Variants in SPRY3 observed in about 807,000 individuals in gnomAD.
SPRY3 encodes protein sprouty homolog 3.
A neutral mutation model predicts 20.2 loss-of-function variants in SPRY3; 15 were observed. The ratio of observed to expected loss-of-function variants is 0.74; its 90% CI spans 0.50 to 1.14. SPRY3 has a LOEUF of 1.14. SPRY3 is among the 50% of genes most tolerant of loss of function. The pLI is 0.00. For synonymous variants in SPRY3, 143 were observed against 136.5 expected, an observed-to-expected ratio of 1.05 and a Z score of -0.33; for missense variants, 364 against 363.9, an observed-to-expected ratio of 1.00 and a Z score of 0.00.
intron 2 of SPRY3, among the ~76,000 whole-genome samples, chrX:155,722,463 G>T (rs1366026575): frequency 1.3e-5 from 2 of 152,190 alleles, no homozygotes; most frequent in Non-Finnish European, 2.9e-5. Context: ...GGAGGTTGCA[G>T]TGAGCCAAGA....
At chrX:155,717,222 T>C (rs1314992401) in intron 2 of SPRY3, among the ~76,000 whole-genome samples, 1 of 151,252 alleles carries the variant, frequency 6.6e-6, no homozygotes, top group Non-Finnish European at 1.5e-5. Flanking sequence ...ACCCTGTCTA[T>C]GCTTGTTATC....
chrX:155,762,179 T>C (rs2091306724), intron 2 of SPRY3, among the ~76,000 whole-genome samples: 1 of 152,182 alleles, frequency 6.6e-6, no homozygotes, highest in Non-Finnish European at 1.5e-5. Flanking sequence ...GAGACTTGGA[T>C]TCTACTCCTG....
chrX:155,777,635 T>A (rs868669363), downstream of SPRY3: 1 of 18,808 alleles, frequency 5.3e-5, no homozygotes, highest in Admixed American at 7.7e-4. Flanking sequence ...CCTTCTGTGA[T>A]TATATATATT....
intron 1 of SPRY3, among the ~76,000 whole-genome samples, chrX:155,629,866 T>G (rs1051218925): frequency 1.1e-4 from 12 of 112,475 alleles, no homozygotes; most frequent in Non-Finnish European, 2.1e-4. Flanking sequence ...CTCTCCACTC[T>G]GTTTATTTCC....
intron 2 of SPRY3, among the ~76,000 whole-genome samples, chrX:155,752,922 T>C (rs2091269850): frequency 6.6e-6 from 1 of 151,848 alleles, no homozygotes; most frequent in East Asian, 1.9e-4. Context: ...CCAAAATACA[T>C]GTAAAAGATA....
intron 2 of SPRY3, among the ~76,000 whole-genome samples, chrX:155,674,461 G>A (rs2068053422): frequency 9.0e-6 from 1 of 110,829 alleles, no homozygotes. Flanking sequence ...TCTCAAGGAA[G>A]GAAGTCTATT....
intron 2 of SPRY3, among the ~76,000 whole-genome samples, chrX:155,704,516 A>G (rs2090935380): frequency 6.6e-6 from 1 of 151,764 alleles, no homozygotes; most frequent in Admixed American, 6.6e-5. Context: ...AAAACATTCA[A>G]GAGCTGTGTG....
At chrX:155,738,265 G>GA (rs201029854) in intron 2 of SPRY3, among the ~76,000 whole-genome samples, 31 of 150,090 alleles carry the variant, frequency 2.1e-4, no homozygotes, top group African/African-American at 4.9e-4. Flanking sequence ...TGCAGACTGG[G>GA]AAAAAAAAAT....
At chrX:155,648,539 C>A (rs1202345816) in intron 1 of SPRY3, among the ~76,000 whole-genome samples, 1 of 112,375 alleles carries the variant, frequency 8.9e-6, no homozygotes, top group Non-Finnish European at 1.9e-5. Context: ...TTCCCAACAC[C>A]ATTTATTAAA....
At chrX:155,719,893 C>T (rs1485741304) in intron 2 of SPRY3, among the ~76,000 whole-genome samples, 2 of 152,066 alleles carry the variant, frequency 1.3e-5, no homozygotes, top group Non-Finnish European at 2.9e-5. Flanking sequence ...TGGGGCAACT[C>T]CTTCTGCTTG....
chrX:155,726,755 G>T (rs758901142), intron 2 of SPRY3, among the ~76,000 whole-genome samples: 1 of 152,110 alleles, frequency 6.6e-6, no homozygotes, highest in Non-Finnish European at 1.5e-5. Flanking sequence ...GCACACTGAT[G>T]GGTCTTGACT....
intron 2 of SPRY3, among the ~76,000 whole-genome samples, chrX:155,743,072 A>C (rs1194763757): frequency 6.6e-6 from 1 of 152,132 alleles, no homozygotes; most frequent in Non-Finnish European, 1.5e-5. Context: ...ACTGCTAGCT[A>C]GACCAATAAA....
chrX:155,726,314 T>C (rs903953731), intron 2 of SPRY3, among the ~76,000 whole-genome samples: 2 of 152,174 alleles, frequency 1.3e-5, no homozygotes, highest in Admixed American at 6.5e-5. Flanking sequence ...GGGTGCAGAG[T>C]TCTGTAGATG....
intron 2 of SPRY3, among the ~76,000 whole-genome samples, chrX:155,707,170 A>G (rs1217197392): frequency 1.3e-5 from 2 of 151,216 alleles, no homozygotes; most frequent in Non-Finnish European, 3.0e-5. Context: ...GGCATACCAT[A>G]AATTTCGATA....
intron 2 of SPRY3, among the ~76,000 whole-genome samples, chrX:155,672,542 A>G (rs1603130127): frequency 1.8e-5 from 2 of 111,043 alleles, no homozygotes; most frequent in African/African-American, 3.3e-5. Flanking sequence ...GTAGAATGGC[A>G]ATCATTAAAA....
At chrX:155,717,466 G>T (rs1359735425) in intron 2 of SPRY3, among the ~76,000 whole-genome samples, 2 of 152,016 alleles carry the variant, frequency 1.3e-5, no homozygotes, top group African/African-American at 4.8e-5. Flanking sequence ...GTATACACAT[G>T]CCATGGTGGT....
At chrX:155,615,256 C>G (rs1448012876) in intron 1 of SPRY3, among the ~76,000 whole-genome samples, 1 of 112,752 alleles carries the variant, frequency 8.9e-6, no homozygotes, top group Non-Finnish European at 1.9e-5. Flanking sequence ...TAGACTCTTG[C>G]TCTAGGCCAA....
At chrX:155,782,233 A>G (rs1191894205) in exon 2 of SPRY3, 1 of 167,000 alleles carries the variant, frequency 6.0e-6, no homozygotes, top group Non-Finnish European at 1.5e-5. Flanking sequence ...GACTTGGAGC[A>G]TCTGAGGAAA....
At chrX:155,736,731 T>C (rs1235948172) in intron 2 of SPRY3, among the ~76,000 whole-genome samples, 1 of 152,072 alleles carries the variant, frequency 6.6e-6, no homozygotes. Context: ...ATCTGTGGTT[T>C]GGTATCTGTT....
Sources: allele counts gnomAD v4.1 joint callset (sites outside exome capture counted in the v4.1 genomes callset), GRCh38; gene constraint gnomAD v4.1.1; transcripts MANE v1.5; gene names NCBI Gene and HGNC (gene_info 2026-07-23, HGNC 2026-07-21).